Variants in SLC6A16 observed in about 807,000 individuals in gnomAD.
SLC6A16 encodes solute carrier family 6 member 16.
A neutral mutation model predicts 65.4 loss-of-function variants in SLC6A16; 54 were observed. That is an observed-to-expected ratio of 0.83 (90% confidence interval 0.66 to 1.04). The LOEUF is 1.04. Among genes scored for constraint, SLC6A16 ranks in the 50% least tolerant of loss-of-function variants. SLC6A16 has a pLI of 0.00. For missense variants in SLC6A16, 816 were observed against 914.0 expected (o/e 0.89, Z 1.38); for synonymous variants, 330 against 346.5 (o/e 0.95, Z 0.53).
the SLC6A16 span, among the ~76,000 whole-genome samples, chr19:49,334,174 G>A: frequency 2.0e-5 from 3 of 152,240 alleles, no homozygotes; most frequent in Non-Finnish European, 2.9e-5. Context: ...AAACAAGTGG[G>A]GAAGGGGGAG....
At chr19:49,339,338 G>A in the SLC6A16 span, 2 of 1,613,738 alleles carry the variant, frequency 1.2e-6, no homozygotes, top group East Asian at 2.2e-5. This position sits in a 1 kb window ranked among gnomAD's most constrained non-coding sequence, Gnocchi z 4.5. Context: ...AGGGCTGCGC[G>A]CAGGGCCTCC....
chr19:49,304,509 T>C (rs1249013791), intron 7 of SLC6A16, among the ~76,000 whole-genome samples: 1 of 152,210 alleles, frequency 6.6e-6, no homozygotes, highest in African/African-American at 2.4e-5. Flanking sequence ...CTCAAGCCTG[T>C]AATCTCAGCA....
At chr19:49,312,554 C>T (rs930660772) in intron 1 of SLC6A16, 76 of 984,832 alleles carry the variant, frequency 7.7e-5, no homozygotes, top group Admixed American at 7.4e-4. Context: ...TCCAAGTTCC[C>T]GCCACTCTGA....
At chr19:49,336,192 G>A in the SLC6A16 span, 8 of 203,174 alleles carry the variant, frequency 3.9e-5, no homozygotes, top group African/African-American at 1.2e-4. Flanking sequence ...AACCCTAAAC[G>A]CTCATATTTA....
At chr19:49,331,984 T>G in the SLC6A16 span, 1 of 447,956 alleles carries the variant, frequency 2.2e-6, no homozygotes, top group South Asian at 1.6e-5. Context: ...ATTGGTGTAT[T>G]AGTCTCCTAT....
At chr19:49,338,724 C>A in the SLC6A16 span, 1 of 1,612,542 alleles carries the variant, frequency 6.2e-7, no homozygotes, top group Non-Finnish European at 8.5e-7. This position sits in a 1 kb window ranked among gnomAD's most constrained non-coding sequence, Gnocchi z 5.0. Context: ...CTGGCACTAC[C>A]CGCAGGACTG....
At chr19:49,310,861 T>G (rs1190848114) in intron 2 of SLC6A16, 72 bp downstream of exon 2, 2 of 1,164,496 alleles carry the variant, frequency 1.7e-6, no homozygotes, top group Non-Finnish European at 2.5e-6. Context: ...GAAACATTCA[T>G]GGTTAAAGCC....
In SLC6A16 at chr19:49,309,013, C is replaced by T; in HGVS notation, c.1092G>A (p.Met364Ile). 1 of 1,614,112 alleles carries T rather than the reference C, an allele frequency of 6.2e-7. No individual in the cohort carries two copies. The highest frequency in any genetic ancestry group is 8.5e-7 in the Non-Finnish European group (1 of 1,180,016). ...LGSVASLASY[M>I]PQSNNCLSDA... ...CACTGAGACAGTTGTTGGACTGGGGCATGTAGGAGGCTAAGGAGGCAACGG... is the reference window on the plus strand; with the variant it reads ...CACTGAGACAGTTGTTGGACTGGGGTATGTAGGAGGCTAAGGAGGCAACGG... The change falls in exon 7 of 12, where the codon ATG becomes ATA. Residue 364 changes from methionine to isoleucine, a missense_variant. Coordinates refer to ENST00000335875, the MANE Select transcript of SLC6A16 (RefSeq NM_014037.3).
the SLC6A16 span, among the ~76,000 whole-genome samples, chr19:49,334,446 T>C: frequency 6.6e-6 from 1 of 152,008 alleles, no homozygotes; most frequent in South Asian, 2.1e-4. Context: ...ATGATCGCAC[T>C]ACTGCATTCC....
rs1970475014 is a variant in SLC6A16, at chr19:49,309,794, A to G, written c.733T>C (p.Tyr245His). 2 of 1,613,744 alleles carry G rather than the reference A, an allele frequency of 1.2e-6. No homozygotes were observed. The highest frequency in any genetic ancestry group is 3.3e-5 in the Admixed American group (2 of 60,004). ...TTCAAGGCCTGCTGGTACCAGAAGT[A>G]TATGGAGGGTGTTGTCCGTTCACAT... ...PECERTTPSI[Y>H]FWYQQALKAS... is the part of the protein sequence containing the mutation. Residue 245 changes from tyrosine to histidine, a missense_variant, in exon 5 of 12, where the codon TAC (tyrosine) becomes CAC (histidine). Transcript: ENST00000335875.
Position 49,309,072 on chromosome 19 carries a change from G to C in SLC6A16, c.1033C>G (p.Gln345Glu). 3 of 1,614,192 alleles carry C rather than the reference G, an allele frequency of 1.9e-6. No homozygotes were observed. The highest frequency in any genetic ancestry group is 2.5e-6 in the Non-Finnish European group (3 of 1,180,032). Residue 345 changes from glutamine to glutamate, a missense_variant, in exon 7 of 12, where the codon CAA becomes GAA. Coordinates refer to ENST00000335875, the MANE Select transcript of SLC6A16 (RefSeq NM_014037.3). Reference protein sequence around the residue: ...NMSVWSLAGGQVLSNTGIGLG... With the variant: ...NMSVWSLAGGEVLSNTGIGLG... ...CCTATGCCTGTGTTAGACAAAACTT[G>C]ACCCCCTGCTAGAGACCACACACTC...
At chr19:49,303,317 A>C (rs537873597) in intron 7 of SLC6A16, among the ~76,000 whole-genome samples, 1 of 152,174 alleles carries the variant, frequency 6.6e-6, no homozygotes, top group Non-Finnish European at 1.5e-5. Flanking sequence ...TGATATATTC[A>C]AAGTGCTGAA....
intron 1 of SLC6A16, among the ~76,000 whole-genome samples, chr19:49,311,741 C>T (rs891030245): frequency 2.2e-4 from 33 of 150,052 alleles, no homozygotes; most frequent in African/African-American, 7.8e-4. Context: ...CCCAGCTACT[C>T]GGGAGGCTGA....
At chr19:49,306,400 AAG>A (rs763738479) in intron 7 of SLC6A16, among the ~76,000 whole-genome samples, 3 of 152,182 alleles carry the variant, frequency 2.0e-5, no homozygotes, top group Non-Finnish European at 4.4e-5. Context: ...AAAGTAAGCA[AAG>A]AGAATGTATA....
the SLC6A16 span, among the ~76,000 whole-genome samples, chr19:49,334,735 A>G: frequency 6.8e-6 from 1 of 147,854 alleles, no homozygotes; most frequent in African/African-American, 2.5e-5. Context: ...TCTACAAAAA[A>G]TACAAAAATT....
At chr19:49,334,139 A>G in the SLC6A16 span, among the ~76,000 whole-genome samples, 526 of 152,302 alleles carry the variant, frequency 3.5e-3, 2 homozygotes, top group African/African-American at 0.012. Flanking sequence ...GGTCCAGAAC[A>G]GGCTGCAGAC....
chr19:49,337,264 G>A, the SLC6A16 span: 140 of 1,575,162 alleles, frequency 8.9e-5, 4 homozygotes, highest in South Asian at 1.5e-3. Flanking sequence ...CAGCAGGGAG[G>A]AGAGGGAAGG....
chr19:49,300,304 C>A (rs930065469), intron 7 of SLC6A16, among the ~76,000 whole-genome samples: 1 of 152,090 alleles, frequency 6.6e-6, no homozygotes, highest in Non-Finnish European at 1.5e-5. Flanking sequence ...CACCACTGCT[C>A]TCCAGCCTGG....
chr19:49,290,125 A>AG lies in SLC6A16; in HGVS notation c.2208dup (p.Ter737LeufsTer18). On this transcript the variant is annotated frameshift_variant, in exon 12 of 12. Transcript: ENST00000335875. LOFTEE classifies it high-confidence loss of function. ...TATGTGAAGCCAAATTAATGAAGTT[A>AG]GGAAGTCACATTACAAGTTGATGGG... 6.2e-7 allele frequency: 1 copy of AG among 1,613,464 alleles called. No individual in the cohort carries two copies. Among genetic ancestry groups the AG allele is most frequent in the Non-Finnish European group, 8.5e-7 (1 of 1,179,732 alleles).
Sources: allele counts gnomAD v4.1 joint callset (sites outside exome capture counted in the v4.1 genomes callset), GRCh38; gene constraint gnomAD v4.1.1; non-coding constraint Gnocchi (gnomAD v3.1); transcripts MANE v1.5; gene names NCBI Gene and HGNC (gene_info 2026-07-23, HGNC 2026-07-21).